SAMD13: variants seen among roughly 807,000 people sequenced by gnomAD.
SAMD13 encodes the protein sterile alpha motif domain containing 13.
SAMD13 carries 9 observed loss-of-function variants against 12.4 expected under a neutral mutation model. That is an observed-to-expected ratio of 0.72 (90% CI 0.44 to 1.26). SAMD13 has a LOEUF of 1.26. Ranked by LOEUF, SAMD13 falls within the 50% of genes most tolerant of loss-of-function variation. The probability of loss-of-function intolerance (pLI) is 0.00; values close to 1 mark genes in which losing one functional copy is unlikely to be tolerated. For missense variants in SAMD13, 84 were observed against 119.6 expected (o/e 0.70, Z 1.39); for synonymous variants, 46 against 45.4 (o/e 1.01, Z -0.05).
chr1:84,325,735 C>T lies in SAMD13; in HGVS notation c.152C>T (p.Ala51Val). ...RTVGFEEQASAFQEQEIDGKS... is the reference protein window; with the variant it reads ...RTVGFEEQASVFQEQEIDGKS... ...GTGGGATTTGAGGAGCAAGCTAGTG[C>T]TTTTCAGGAACAGGTAACTTGGTCT... is the stretch of plus-strand genomic sequence containing the variant. The change falls in exon 3 of 4, where the codon GCT becomes GTT. Residue 51 changes from alanine (A) to valine (V), a missense_variant. By Grantham distance (64) the Ala-to-Val change is moderately conservative. Transcript: ENST00000394834. The T allele has an allele frequency of 6.2e-7, 1 of 1,608,166 alleles. No homozygotes were observed. The highest frequency in any genetic ancestry group is 8.5e-7 in the Non-Finnish European group (1 of 1,174,762).
In SAMD13 at chr1:84,342,999, C is replaced by G. The variant is rs572984135; in HGVS notation, c.166-6632C>G. 2.6e-5 allele frequency among the ~76,000 whole-genome samples: 4 copies of G among 151,784 alleles called. No homozygotes were observed. The South Asian group carries it at 6.3e-4, about 24-fold the overall frequency. On this transcript the variant is annotated intron_variant, in intron 3 of 3. Transcript: ENST00000394834. The stretch of plus-strand genomic sequence containing the variant: ...ATCCAGAATCTACAAGGAATTTAAA[C>G]AAATTTACAAGAAAAAAACAAACAA...
chr1:84,316,447 T>G (rs1327402374), intron 2 of SAMD13, among the ~76,000 whole-genome samples: 5 of 152,168 alleles, frequency 3.3e-5, no homozygotes, highest in Admixed American at 6.5e-5. Context: ...GGATATCCAG[T>G]TTTCCCAACA....
chr1:84,298,923 A>T (rs939677703), upstream of SAMD13, among the ~76,000 whole-genome samples: 3 of 151,952 alleles, frequency 2.0e-5, no homozygotes, highest in African/African-American at 7.3e-5. Context: ...GAGCCCCCAC[A>T]CTAAACGCCA....
intron 3 of SAMD13, among the ~76,000 whole-genome samples, chr1:84,346,303 C>T (rs927592054): frequency 2.0e-5 from 3 of 152,138 alleles, no homozygotes; most frequent in Admixed American, 6.5e-5. Flanking sequence ...GAAATTTAAA[C>T]CTATCATCTC....
chr1:84,314,876 T>C (rs1196091953), intron 2 of SAMD13, among the ~76,000 whole-genome samples: 1 of 152,180 alleles, frequency 6.6e-6, no homozygotes, highest in Non-Finnish European at 1.5e-5. Context: ...CAGGATCTGA[T>C]GTTGTAAACC....
intron 2 of SAMD13, among the ~76,000 whole-genome samples, chr1:84,312,489 A>G (rs945404396): frequency 2.6e-5 from 4 of 152,032 alleles, no homozygotes; most frequent in Non-Finnish European, 5.9e-5. Flanking sequence ...ATTTCCAATT[A>G]CAATATACAA....
At chr1:84,330,888 T>C (rs1405396807) in intron 3 of SAMD13, among the ~76,000 whole-genome samples, 3 of 152,204 alleles carry the variant, frequency 2.0e-5, no homozygotes, top group African/African-American at 7.2e-5. Context: ...GAGATAATCA[T>C]GACAAAATAA....
At chr1:84,314,238 C>A (rs1200900012) in intron 2 of SAMD13, among the ~76,000 whole-genome samples, 1 of 152,048 alleles carries the variant, frequency 6.6e-6, no homozygotes, top group African/African-American at 2.4e-5. Flanking sequence ...GTACAGCAAT[C>A]TACAGATCAG....
intron 2 of SAMD13, among the ~76,000 whole-genome samples, chr1:84,317,304 C>T (rs1013370231): frequency 1.3e-5 from 2 of 152,052 alleles, no homozygotes; most frequent in South Asian, 4.1e-4. Context: ...GAAAAGTTTT[C>T]AGTTTTTCAC....
upstream of SAMD13, chr1:84,299,525 CCA>C: frequency 8.2e-7 from 1 of 1,225,742 alleles, no homozygotes; most frequent in Non-Finnish European, 1.1e-6. Flanking sequence ...CGTACCACAC[CCA>C]CACACAAAGT....
intron 1 of SAMD13, chr1:84,302,666 T>C (rs542518260): frequency 1.0e-6 from 1 of 986,594 alleles, no homozygotes; most frequent in South Asian, 4.7e-5. Flanking sequence ...AGACGGGTTT[T>C]TGAGGCTTTC....
At chr1:84,298,700 C>T (rs1333983401), upstream of SAMD13, 1 of 870,416 alleles carries the variant, frequency 1.1e-6, no homozygotes, top group East Asian at 3.4e-5. Context: ...GCCGTGTGTC[C>T]GGTGCTCCTG....
At chr1:84,344,734 TAAG>T (rs1341496395) in intron 3 of SAMD13, 1 of 365,564 alleles carries the variant, frequency 2.7e-6, no homozygotes, top group East Asian at 7.3e-5. Context: ...CCCCTGATAT[TAAG>T]AAGGCTTATC....
rs1472355018 is a variant in SAMD13, at chr1:84,350,372, T to C, written c.*598T>C. On this transcript the variant is annotated 3_prime_UTR_variant, in exon 4 of 4. Coordinates refer to ENST00000394834, the MANE Select transcript of SAMD13 (RefSeq NM_001134663.2). ...CCCTTCAGGAGCAGAATCATAGCTC[T>C]GAAAAGAGAAGCTCCGTTGTGTACT... is the stretch of plus-strand genomic sequence containing the variant. 6.6e-6 allele frequency: 1 copy of C among 152,242 alleles called. No homozygotes were observed. The highest frequency in any genetic ancestry group is 1.5e-5 in the Non-Finnish European group (1 of 68,044). 9.4% of individuals were successfully genotyped at this position (152,242 alleles called of 1,614,324 possible). A position where few individuals can be genotyped will look rare whatever the true frequency, so the allele number is the denominator to read the frequency against.
intron 2 of SAMD13, among the ~76,000 whole-genome samples, chr1:84,308,846 A>G (rs950330337): frequency 6.6e-6 from 1 of 152,182 alleles, no homozygotes; most frequent in Non-Finnish European, 1.5e-5. Context: ...TCCTTTAGGA[A>G]AGAAGCAACT....
upstream of SAMD13, among the ~76,000 whole-genome samples, chr1:84,300,463 A>C (rs776273367): frequency 6.6e-6 from 1 of 152,216 alleles, no homozygotes; most frequent in Non-Finnish European, 1.5e-5. Context: ...ATGTCCTAAA[A>C]GATTATTTTT....
chr1:84,315,839 G>C (rs1678821684), intron 2 of SAMD13, among the ~76,000 whole-genome samples: 1 of 152,172 alleles, frequency 6.6e-6, no homozygotes, highest in South Asian at 2.1e-4. Flanking sequence ...TTCTACCATA[G>C]TATACAAAGG....
At chr1:84,313,446 T>G (rs72942051) in intron 2 of SAMD13, among the ~76,000 whole-genome samples, 1,690 of 152,256 alleles carry the variant, frequency 0.011, 22 homozygotes, top group African/African-American at 0.028. Flanking sequence ...TGTATGTGCA[T>G]ATATATTCAA....
upstream of SAMD13, chr1:84,299,586 A>G: frequency 2.6e-6 from 4 of 1,514,050 alleles, no homozygotes; most frequent in Non-Finnish European, 3.6e-6. Context: ...GCTACATACT[A>G]CACACACAAC....
Sources: allele counts gnomAD v4.1 joint callset (sites outside exome capture counted in the v4.1 genomes callset), GRCh38; gene constraint gnomAD v4.1.1; transcripts MANE v1.5; gene names NCBI Gene and HGNC (gene_info 2026-07-23, HGNC 2026-07-21).